The following STX16 variants were observed in gnomAD, a reference collection of about 807,000 sequenced individuals.
STX16 encodes the protein syntaxin 16.
STX16 carries 28 observed loss-of-function variants against 42.7 expected under a neutral mutation model. The observed-to-expected ratio is 0.66, with a 90% CI of 0.49 to 0.90. The LOEUF is 0.90. STX16 is among the 40% of genes least tolerant of loss of function. The probability of loss-of-function intolerance (pLI) is 0.00; values close to 1 mark genes in which losing one functional copy is unlikely to be tolerated. For missense variants in STX16, 361 were observed against 420.9 expected, an observed-to-expected ratio of 0.86 and a Z score of 1.24; for synonymous variants, 156 against 155.2, an observed-to-expected ratio of 1.00 and a Z score of -0.04.
At chr20:58,667,453 A>C (rs749730085) in intron 2 of STX16, 37 bp from the exon 3 acceptor site, 22 of 1,534,050 alleles carry the variant, frequency 1.4e-5, no homozygotes, top group Middle Eastern at 1.7e-4. Context: ...AAATTGGATT[A>C]GAATAATTTT....
Position 58,651,633 on chromosome 20 carries a change from T to A in STX16, c.-374T>A. On this transcript the variant is annotated 5_prime_UTR_variant, in exon 1 of 9. Transcript: ENST00000371141. ...GAGACCTCCGGGGGGTCTCAGGGAG[T>A]AGGGGGCTTCAGGGCCTCCCAGTCT... is the stretch of plus-strand genomic sequence containing the variant. 1 of 214,460 alleles carries A rather than the reference T, an allele frequency of 4.7e-6. No homozygotes were observed. The highest frequency in any genetic ancestry group is 9.7e-6 in the Non-Finnish European group (1 of 103,588). The allele number at this position is 214,460 out of a possible 1,614,324, so 13.3% of individuals were successfully genotyped here. A position where few individuals can be genotyped will look rare whatever the true frequency, so the allele number is the denominator to read the frequency against.
At chr20:58,671,991 C>T (rs6092678) in intron 7 of STX16, among the ~76,000 whole-genome samples, 1 of 152,064 alleles carries the variant, frequency 6.6e-6, no homozygotes, top group African/African-American at 2.4e-5. Flanking sequence ...TACACAAGAC[C>T]TCATGTGACA....
In STX16 at chr20:58,651,997, A is replaced by C. The variant is rs1257909208; in HGVS notation, c.-10A>C. On this transcript the variant is annotated 5_prime_UTR_variant, in exon 1 of 9. Coordinates refer to ENST00000371141, the MANE Select transcript of STX16 (RefSeq NM_001001433.3). Reference sequence around the variant, plus strand: ...GGGGCCCCTGAGAGGGGGGTCGCAAAGGGTGAGACATGGCCACCAGGCGTT... The same window carrying C: ...GGGGCCCCTGAGAGGGGGGTCGCAACGGGTGAGACATGGCCACCAGGCGTT... The C allele has an allele frequency of 6.2e-7, 1 of 1,613,526 alleles. No homozygotes were observed. Among genetic ancestry groups the C allele is most frequent in the East Asian group, 2.2e-5 (1 of 44,858 alleles).
intron 8 of STX16, 107 bp downstream of exon 8, chr20:58,673,818 G>A: frequency 1.2e-6 from 1 of 811,294 alleles, no homozygotes; most frequent in South Asian, 1.6e-5. Flanking sequence ...TTCTTGTGTT[G>A]TCCACTCTCA....
At chr20:58,668,462 G>A (rs2083892224) in intron 4 of STX16, among the ~76,000 whole-genome samples, 1 of 152,068 alleles carries the variant, frequency 6.6e-6, no homozygotes, top group Admixed American at 6.5e-5. Flanking sequence ...CTAAATTATA[G>A]TCCTCATAAT....
intron 3 of STX16, 40 bp from the exon 4 acceptor site, chr20:58,667,947 T>G (rs200504344): frequency 3.7e-6 from 6 of 1,613,380 alleles, no homozygotes; most frequent in Non-Finnish European, 5.1e-6. Flanking sequence ...GACCATAGCC[T>G]GCCTGGCATC....
chr20:58,652,230 G>C (rs2083475288), intron 1 of STX16, 92 bp downstream of exon 1: 2 of 1,530,772 alleles, frequency 1.3e-6, no homozygotes, highest in African/African-American at 2.7e-5. Context: ...TGTTTAAAAA[G>C]AGAAGATAAG....
intron 1 of STX16, among the ~76,000 whole-genome samples, chr20:58,655,484 C>T (rs375338489): frequency 6.1e-4 from 93 of 152,120 alleles, no homozygotes; most frequent in African/African-American, 2.2e-3. Flanking sequence ...ACGCAGTGAC[C>T]AGATAAACAC....
At chr20:58,668,986 C>G (rs916806699) in intron 4 of STX16, among the ~76,000 whole-genome samples, 3 of 152,052 alleles carry the variant, frequency 2.0e-5, no homozygotes, top group Non-Finnish European at 2.9e-5. Context: ...CAAAATCTCC[C>G]GAAATTTGAA....
intron 4 of STX16, among the ~76,000 whole-genome samples, chr20:58,668,398 T>C (rs1436919521): frequency 6.6e-6 from 1 of 152,256 alleles, no homozygotes; most frequent in Non-Finnish European, 1.5e-5. Flanking sequence ...GTTCAATCAT[T>C]TGATTTTAAA....
chr20:58,660,006 C>A (rs1266469322), intron 2 of STX16, among the ~76,000 whole-genome samples: 2 of 152,100 alleles, frequency 1.3e-5, no homozygotes, highest in Admixed American at 6.5e-5. Flanking sequence ...GTATAGAAGG[C>A]CAGCATGTCT....
chr20:58,659,728 C>A (rs566712883), intron 2 of STX16, 94 bp downstream of exon 2: 2 of 1,282,926 alleles, frequency 1.6e-6, no homozygotes, highest in South Asian at 2.6e-5. Context: ...AAAATGCTAA[C>A]AGCTTATACA....
intron 2 of STX16, among the ~76,000 whole-genome samples, chr20:58,660,451 A>C (rs1391062347): frequency 6.6e-6 from 1 of 152,184 alleles, no homozygotes; most frequent in Non-Finnish European, 1.5e-5. Context: ...CTGTCCTTAA[A>C]ACCAGTGGGG....
chr20:58,676,192 A>G lies in STX16; in HGVS notation c.879A>G (p.Glu293=). Residue 293 remains glutamate (E), a synonymous_variant, in exon 9 of 9, where the codon GAA becomes GAG. Transcript: ENST00000371141. ...TTTCCCTCCTCTTTTTGTAGGCAGA[A>G]CAGTATCAAAAGAAGAATCGGAAGA... ...EDGLKQLHKA[E]QYQKKNRKML... is the part of the protein sequence containing the mutation. The G allele has an allele frequency of 3.1e-6, 5 of 1,613,732 alleles. No individual in the cohort carries two copies. Among genetic ancestry groups the G allele is most frequent in the Non-Finnish European group, 3.4e-6 (4 of 1,179,600 alleles).
intron 1 of STX16, among the ~76,000 whole-genome samples, chr20:58,654,305 A>G (rs887854672): frequency 6.6e-6 from 1 of 152,204 alleles, no homozygotes; most frequent in African/African-American, 2.4e-5. Flanking sequence ...TAACAAACAT[A>G]GTTTGCCTGA....
chr20:58,669,189 T>C, intron 4 of STX16, 102 bp from the exon 5 acceptor site: 1 of 1,260,636 alleles, frequency 7.9e-7, no homozygotes, highest in East Asian at 2.4e-5. Context: ...CCAGACTGAG[T>C]GAACAGAGCC....
chr20:58,668,097 C>T lies in STX16; in HGVS notation c.363C>T (p.Ala121=). Residue 121 remains alanine (A), a synonymous_variant, in exon 4 of 9, where the codon GCC becomes GCT. Coordinates refer to ENST00000371141, the MANE Select transcript of STX16 (RefSeq NM_001001433.3). Reference sequence around the variant, plus strand: ...ATGACAGCAGCGAAGAGGAACATGCCATTGAGATAACTACCCAAGAGATCA... The same window carrying T: ...ATGACAGCAGCGAAGAGGAACATGCTATTGAGATAACTACCCAAGAGATCA... The part of the protein sequence containing the change: ...TLDDSSEEEH[A]IEITTQEITQ... The T allele has an allele frequency of 6.2e-7, 1 of 1,614,224 alleles. No homozygotes were observed. Among genetic ancestry groups the T allele is most frequent in the East Asian group, 2.2e-5 (1 of 44,890 alleles).
chr20:58,665,680 C>T (rs1314662704), intron 2 of STX16, among the ~76,000 whole-genome samples: 1 of 152,092 alleles, frequency 6.6e-6, no homozygotes, highest in Non-Finnish European at 1.5e-5. Flanking sequence ...ACTTCACGGC[C>T]CGGGAGCCCC....
Position 58,657,959 on chromosome 20 carries a change from A to G in STX16, c.133-1664A>G, listed in dbSNP as rs1439107413. The stretch of plus-strand genomic sequence containing the variant: ...TCTGTCCCCAGTCTGACCATTAACA[A>G]GCTCTGTGGCTTCAAGCAATGCATT... On this transcript the variant is annotated intron_variant, in intron 1 of 8. Transcript: ENST00000371141. The surrounding 1 kb of genome is among the most constrained non-coding windows in gnomAD (Gnocchi z 4.2). Among the ~76,000 whole-genome samples the G allele has an allele frequency of 6.6e-6, 1 of 152,214 alleles. No individual in the cohort carries two copies. The highest frequency in any genetic ancestry group is 2.4e-5 in the African/African-American group (1 of 41,450).
Sources: allele counts gnomAD v4.1 joint callset (sites outside exome capture counted in the v4.1 genomes callset), GRCh38; gene constraint gnomAD v4.1.1; non-coding constraint Gnocchi (gnomAD v3.1); transcripts MANE v1.5; gene names NCBI Gene and HGNC (gene_info 2026-07-23, HGNC 2026-07-21).